The following ORC1 variants were observed in gnomAD, a reference collection of about 807,000 sequenced individuals.
ORC1 encodes the protein origin recognition complex, subunit 1 homolog.
In ORC1, 61 loss-of-function variants were observed where a neutral mutation model predicts 98.9. The observed-to-expected ratio is 0.62, with a 90% CI of 0.50 to 0.76. The LOEUF is 0.76. ORC1 is among the 30% of genes least tolerant of loss of function. ORC1 has a pLI of 0.00. For synonymous variants in ORC1, 385 were observed against 406.9 expected (o/e 0.95, Z 0.65); for missense variants, 979 against 1,072.2 (o/e 0.91, Z 1.21).
chr1:52,397,548 G>C, intron 4 of ORC1, 137 bp downstream of exon 4: 1 of 833,956 alleles, frequency 1.2e-6, no homozygotes, highest in South Asian at 1.4e-5. Flanking sequence ...GAAACAGACA[G>C]GCAAGCACAG....
chr1:52,408,967 C>T, upstream of ORC1: 1 of 265,328 alleles, frequency 3.8e-6, no homozygotes, highest in South Asian at 6.9e-5. Flanking sequence ...ACATGTGCTC[C>T]ATCCCAAAAG....
upstream of ORC1, among the ~76,000 whole-genome samples, chr1:52,406,362 C>G (rs535066804): frequency 6.6e-6 from 1 of 152,202 alleles, no homozygotes; most frequent in South Asian, 2.1e-4. Flanking sequence ...TAATTTTTCC[C>G]TGAAAAAGGA....
At chr1:52,373,414 C>A (rs756454296) in intron 16 of ORC1, 39 bp from the exon 17 acceptor site, 6 of 1,555,660 alleles carry the variant, frequency 3.9e-6, no homozygotes, top group African/African-American at 1.4e-5. Flanking sequence ...AGAGGAAATA[C>A]AATCCTGGGG....
At chr1:52,397,984 T>C (rs1647498269) in intron 3 of ORC1, 121 bp from the exon 4 acceptor site, 1 of 961,324 alleles carries the variant, frequency 1.0e-6, no homozygotes, top group Non-Finnish European at 1.6e-6. Context: ...TTTTTGTTTT[T>C]TGAGACAGAG....
upstream of ORC1, chr1:52,405,651 T>C (rs1201596769): frequency 2.5e-6 from 4 of 1,610,180 alleles, no homozygotes; most frequent in Admixed American, 6.7e-5. Context: ...TTAGCCCTAA[T>C]ATGTTACTGT....
In ORC1 at chr1:52,397,795, A is replaced by G; in HGVS notation, c.292T>C (p.Cys98Arg). Residue 98 changes from cysteine (C) to arginine (R), a missense_variant, in exon 4 of 17, where the codon TGT (cysteine) becomes CGT (arginine). Transcript: ENST00000371568. ...TTCCGGCCCAACAAATGCCGTTTAC[A>G]GGCAGGGACTTCACAGAATCGGACA... ...WFVRFCEVPA[C>R]KRHLLGRKPG... The G allele has an allele frequency of 6.2e-7, 1 of 1,614,194 alleles. No individual in the cohort carries two copies. The highest frequency in any genetic ancestry group is 8.5e-7 in the Non-Finnish European group (1 of 1,180,000).
At chr1:52,375,255 A>G (rs747363568) in intron 15 of ORC1, among the ~76,000 whole-genome samples, 175 bp downstream of exon 15, 1 of 152,152 alleles carries the variant, frequency 6.6e-6, no homozygotes, top group Non-Finnish European at 1.5e-5. Flanking sequence ...ATATAGCTCA[A>G]TAAGTGGCAA....
At chr1:52,390,158 A>C (rs1419892009) in intron 6 of ORC1, among the ~76,000 whole-genome samples, 1 of 152,222 alleles carries the variant, frequency 6.6e-6, no homozygotes, top group African/African-American at 2.4e-5. Flanking sequence ...TTCCCATCAA[A>C]ATACTATCAT....
Position 52,373,381 on chromosome 1 carries a change from C to T in ORC1, c.2392-6G>A. ...GCCACATGTTGACTATATATCTAGA[C>T]ACAAATAGCAAGGCAAAGGTTAAGA... On this transcript the variant is annotated splice_polypyrimidine_tract_variant and splice_region_variant and intron_variant, in intron 16 of 16. Coordinates refer to ENST00000371568, the MANE Select transcript of ORC1 (RefSeq NM_004153.4). 5.0e-6 allele frequency: 8 copies of T among 1,611,856 alleles called. No individual in the cohort carries two copies. Among genetic ancestry groups the T allele is most frequent in the Non-Finnish European group, 5.9e-6 (7 of 1,178,172 alleles).
At chr1:52,377,300 G>C (rs191597767) in intron 14 of ORC1, among the ~76,000 whole-genome samples, 142 of 151,322 alleles carry the variant, frequency 9.4e-4, no homozygotes, top group African/African-American at 3.2e-3. Flanking sequence ...TTTGAGAGAG[G>C]GTCTTGCTCT....
Position 52,389,282 on chromosome 1 carries a change from A to G in ORC1, c.1122T>C (p.Ser374=), listed in dbSNP as rs1360011988. The G allele has an allele frequency of 6.2e-7, 1 of 1,614,224 alleles. No homozygotes were observed. Among genetic ancestry groups the G allele is most frequent in the South Asian group, 1.1e-5 (1 of 91,088 alleles). ...KEAKAQNEAT[S]TPHRIRRKSS... is the part of the protein sequence containing the mutation. ...TCTTTCTGCGGATACGATGGGGAGTAGAGGTCGCTTCATTCTGGGCTTTTG... is the reference window on the plus strand; with the variant it reads ...TCTTTCTGCGGATACGATGGGGAGTGGAGGTCGCTTCATTCTGGGCTTTTG... Residue 374 remains serine, a synonymous_variant, in exon 7 of 17, where the codon TCT becomes TCC. Coordinates refer to ENST00000371568, the MANE Select transcript of ORC1 (RefSeq NM_004153.4).
At position 52,385,153 on chromosome 1, in the gene ORC1, T is replaced by C; in HGVS notation, c.1583+8A>G. On this transcript the variant is annotated splice_region_variant and intron_variant, in intron 10 of 16. Coordinates refer to ENST00000371568, the MANE Select transcript of ORC1 (RefSeq NM_004153.4). ...CCCAAACTACCCTGCCTGCCTCACATGACTCACCCTCCGGTATGGTCAAGG... is the reference window on the plus strand; with the variant it reads ...CCCAAACTACCCTGCCTGCCTCACACGACTCACCCTCCGGTATGGTCAAGG... 6.3e-7 allele frequency: 1 copy of C among 1,586,240 alleles called. No homozygotes were observed. The highest frequency in any genetic ancestry group is 1.7e-5 in the Admixed American group (1 of 59,982).
intron 4 of ORC1, among the ~76,000 whole-genome samples, chr1:52,396,937 G>A (rs984416567): frequency 2.0e-5 from 3 of 152,136 alleles, no homozygotes; most frequent in African/African-American, 7.2e-5. Flanking sequence ...TCCTTGAAGA[G>A]GTCTTGTCAC....
upstream of ORC1, chr1:52,405,624 C>G: frequency 8.3e-6 from 13 of 1,566,280 alleles, no homozygotes; most frequent in Non-Finnish European, 1.1e-5. Flanking sequence ...ACTAACTCCA[C>G]TCCAACTAGG....
rs1647135074 is a variant in ORC1, at chr1:52,385,842, G to A, written c.1481+10C>T. ...CTGCCTCTCTGAAGGGGAATCAACAGCAGCAGTACCTCAGTCGGGCTTCCT... is the reference window on the plus strand; with the variant it reads ...CTGCCTCTCTGAAGGGGAATCAACAACAGCAGTACCTCAGTCGGGCTTCCT... On this transcript the variant is annotated intron_variant, in intron 9 of 16. Coordinates refer to ENST00000371568, the MANE Select transcript of ORC1 (RefSeq NM_004153.4). 1 of 1,598,018 alleles carries A rather than the reference G, an allele frequency of 6.3e-7. No homozygotes were observed. Among genetic ancestry groups the A allele is most frequent in the Non-Finnish European group, 8.6e-7 (1 of 1,165,480 alleles).
chr1:52,391,285 G>A (rs1203342379), intron 6 of ORC1, among the ~76,000 whole-genome samples: 5 of 149,578 alleles, frequency 3.3e-5, no homozygotes, highest in Non-Finnish European at 7.4e-5. Flanking sequence ...CTCCAGCCTG[G>A]GCGTCAGACA....
In ORC1 at chr1:52,396,387, A is replaced by G. The variant is rs762444109; in HGVS notation, c.403-23T>C. The G allele has an allele frequency of 2.5e-6, 4 of 1,613,918 alleles. No individual in the cohort carries two copies. The African/African-American group carries it at 4.0e-5, about 16-fold the overall frequency. ...CACCTGAATTTAGGAAGTATAGATA[A>G]GTAGGAAGAGATGAGCCCCAAGAGA... is the stretch of plus-strand genomic sequence containing the variant. On this transcript the variant is annotated intron_variant, in intron 4 of 16. Coordinates refer to ENST00000371568, the MANE Select transcript of ORC1 (RefSeq NM_004153.4).
chr1:52,373,474 C>T (rs933753733), intron 16 of ORC1, 99 bp from the exon 17 acceptor site: 4 of 1,012,464 alleles, frequency 4.0e-6, no homozygotes, highest in Non-Finnish European at 6.0e-6. Context: ...ACACATGGCC[C>T]CCAGGATATC....
rs746830324 is a variant in ORC1 at position 52,389,225 on chromosome 1, C to T, written c.1179G>A (p.Gln393=). Reference sequence around the variant, plus strand: ...CCAAGGAGTAGTCTTACCGAAGCTGCTGCCTAATCCGATTCATAGTCAAGA... The same window carrying T: ...CCAAGGAGTAGTCTTACCGAAGCTGTTGCCTAATCCGATTCATAGTCAAGA... ...SSVLTMNRIR[Q]QLRFLGNSKS... is the part of the protein sequence containing the mutation. Residue 393 remains glutamine (Q), a synonymous_variant, in exon 7 of 17, where the codon CAG becomes CAA. Coordinates refer to ENST00000371568, the MANE Select transcript of ORC1 (RefSeq NM_004153.4). 3 of 1,613,250 alleles carry T rather than the reference C, an allele frequency of 1.9e-6. No individual in the cohort carries two copies. Among genetic ancestry groups the T allele is most frequent in the Non-Finnish European group, 2.5e-6 (3 of 1,179,170 alleles).
Sources: allele counts gnomAD v4.1 joint callset (sites outside exome capture counted in the v4.1 genomes callset), GRCh38; gene constraint gnomAD v4.1.1; transcripts MANE v1.5; gene names NCBI Gene and HGNC (gene_info 2026-07-23, HGNC 2026-07-21).